SOHLH2: variants seen among roughly 807,000 people sequenced by gnomAD.
SOHLH2 encodes spermatogenesis- and oogenesis-specific basic helix-loop-helix-containing protein 2.
Under a neutral mutation model 50.4 loss-of-function variants are expected in SOHLH2, and 22 were observed. The ratio of observed to expected loss-of-function variants is 0.44; its 90% CI spans 0.31 to 0.62. SOHLH2 has a LOEUF of 0.62. Ranked by LOEUF, SOHLH2 falls within the 20% of genes least tolerant of loss-of-function variation. The probability of loss-of-function intolerance (pLI) is 0.08; values close to 1 mark genes in which losing one functional copy is unlikely to be tolerated. For missense variants in SOHLH2, 412 were observed against 504.4 expected (o/e 0.82, Z 1.76); for synonymous variants, 185 against 187.3 (o/e 0.99, Z 0.10).
At chr13:36,194,731 G>A (rs1306503579) in intron 2 of SOHLH2, among the ~76,000 whole-genome samples, 1 of 152,206 alleles carries the variant, frequency 6.6e-6, no homozygotes, top group Non-Finnish European at 1.5e-5. Context: ...TTTGCAGGGA[G>A]AATGTGACTG....
chr13:36,195,230 T>C (rs1044022393), intron 2 of SOHLH2, among the ~76,000 whole-genome samples: 21 of 152,208 alleles, frequency 1.4e-4, no homozygotes, highest in African/African-American at 4.8e-4. Context: ...GGGGAAGGCT[T>C]CCAGGCAGAC....
chr13:36,170,153 A>G (rs1886922676), intron 10 of SOHLH2, among the ~76,000 whole-genome samples: 2 of 152,132 alleles, frequency 1.3e-5, no homozygotes, highest in Admixed American at 6.5e-5. Context: ...CACCTAAGAG[A>G]TAAGTAGCAG....
chr13:36,202,731 G>A (rs1419928284), intron 1 of SOHLH2, among the ~76,000 whole-genome samples: 1 of 152,168 alleles, frequency 6.6e-6, no homozygotes, highest in Non-Finnish European at 1.5e-5. Context: ...TCAACCCACT[G>A]AAAATGCCAA....
Position 36,168,301 on chromosome 13 carries a change from CCCTT to C in SOHLH2, c.*729_*732del, listed in dbSNP as rs1372534344. ...TGAAATATAAAACAAACCTTTTTCC[CCCTT>C]ATTTTCAACTGTCCTTTCTAATACC... On this transcript the variant is annotated 3_prime_UTR_variant, in exon 11 of 11. Coordinates refer to ENST00000379881, the MANE Select transcript of SOHLH2 (RefSeq NM_017826.3). 2 of 151,944 alleles carry C rather than the reference CCCTT, an allele frequency of 1.3e-5. No homozygotes were observed. The highest frequency in any genetic ancestry group is 2.9e-5 in the Non-Finnish European group (2 of 67,956). 9.4% of individuals were successfully genotyped at this position (151,944 alleles called of 1,614,324 possible).
rs148826039 is a variant in SOHLH2, at chr13:36,174,476, C to T, written c.881G>A (p.Arg294Gln). The change falls in exon 8 of 11, where the codon CGG (arginine) becomes CAG (glutamine). Residue 294 changes from arginine (R) to glutamine (Q), a missense_variant and splice_region_variant. Transcript: ENST00000379881. ...AGATTCGCAAAAGCCCTTATCATACCGCTGTGCCATGACAGTGCCTGGGAG... is the reference window on the plus strand; with the variant it reads ...AGATTCGCAAAAGCCCTTATCATACTGCTGTGCCATGACAGTGCCTGGGAG... Reference protein sequence around the residue: ...LSLPGTVMAQRENSVMSTYSP... With the variant: ...LSLPGTVMAQQENSVMSTYSP... 2.0e-5 allele frequency: 32 copies of T among 1,613,520 alleles called. No individual in the cohort carries two copies. The highest frequency in any genetic ancestry group is 2.4e-5 in the Non-Finnish European group (28 of 1,179,912).
Position 36,190,055 on chromosome 13 carries a change from A to T in SOHLH2, c.532T>A (p.Ser178Thr). 1 of 1,595,802 alleles carries T rather than the reference A, an allele frequency of 6.3e-7. No individual in the cohort carries two copies. Among genetic ancestry groups the T allele is most frequent in the Non-Finnish European group, 8.5e-7 (1 of 1,172,022 alleles). The change falls in exon 6 of 11, where the codon TCT becomes ACT. Residue 178 changes from serine to threonine, a missense_variant and splice_region_variant. By Grantham distance (58) the Ser-to-Thr change is moderately conservative. Transcript: ENST00000379881. Reference protein sequence around the residue: ...GYFPTDLFACSESLRNGNGLE... With the variant: ...GYFPTDLFACTESLRNGNGLE... ...CCATTGCCATTCCTTAAAGATTCAG[A>T]GCTAGAAACAAGAGAAAATCACACC... is the stretch of plus-strand genomic sequence containing the variant.
intron 6 of SOHLH2, among the ~76,000 whole-genome samples, chr13:36,181,326 A>G (rs1444015427): frequency 1.3e-5 from 2 of 152,144 alleles, no homozygotes; most frequent in African/African-American, 2.4e-5. Flanking sequence ...ACTTCTGCCT[A>G]TAAGTTGGAT....
chr13:36,190,957 C>T (rs1029104838), intron 5 of SOHLH2, among the ~76,000 whole-genome samples: 1 of 152,128 alleles, frequency 6.6e-6, no homozygotes, highest in African/African-American at 2.4e-5. Context: ...CAGTAGATGG[C>T]CACATTCTAC....
rs1448441318 is a variant in SOHLH2 at position 36,168,589 on chromosome 13, A to G, written c.*445T>C. The G allele has an allele frequency of 6.1e-6, 1 of 164,798 alleles. No individual in the cohort carries two copies. The highest frequency in any genetic ancestry group is 1.3e-5 in the Non-Finnish European group (1 of 76,738). The allele number at this position is 164,798 out of a possible 1,614,324, so 10.2% of individuals were successfully genotyped here. On this transcript the variant is annotated 3_prime_UTR_variant, in exon 11 of 11. Coordinates refer to ENST00000379881, the MANE Select transcript of SOHLH2 (RefSeq NM_017826.3). ...GGAAAAGACCACCTAGAAATGAGTGACAGTAATTCACAGGGATACTAAAAA... is the reference window on the plus strand; with the variant it reads ...GGAAAAGACCACCTAGAAATGAGTGGCAGTAATTCACAGGGATACTAAAAA...
intron 1 of SOHLH2, among the ~76,000 whole-genome samples, chr13:36,202,851 G>T (rs1033856170): frequency 6.6e-6 from 1 of 152,204 alleles, no homozygotes; most frequent in Admixed American, 6.5e-5. Flanking sequence ...GAAGCTAAGA[G>T]TGAGGGAAGG....
At position 36,193,695 on chromosome 13, in the gene SOHLH2, G is replaced by A. The variant is rs774633583; in HGVS notation, c.356C>T (p.Ala119Val). Residue 119 changes from alanine (A) to valine (V), a missense_variant, in exon 4 of 11, where the codon GCT (alanine) becomes GTT (valine). Ala to Val is a moderately conservative substitution (Grantham distance 64, BLOSUM62 0). Transcript: ENST00000379881. ...TTCCATTGTCAGTGGTTCAGTTAAAGCAATATCCATTCCATGCCCTGAAAT... is the reference window on the plus strand; with the variant it reads ...TTCCATTGTCAGTGGTTCAGTTAAAACAATATCCATTCCATGCCCTGAAAT... Reference protein sequence around the residue: ...GCISGHGMDIALTEPLTMEKM... With the variant: ...GCISGHGMDIVLTEPLTMEKM... 1 of 1,612,986 alleles carries A rather than the reference G, an allele frequency of 6.2e-7. No homozygotes were observed. The highest frequency in any genetic ancestry group is 1.7e-5 in the Admixed American group (1 of 59,820).
At chr13:36,172,512 G>A (rs1328640) in intron 9 of SOHLH2, among the ~76,000 whole-genome samples, 4 of 152,104 alleles carry the variant, frequency 2.6e-5, no homozygotes, top group African/African-American at 9.6e-5. Context: ...TAGACACTAT[G>A]CTGCATAACC....
chr13:36,189,749 A>G (rs922148711), intron 6 of SOHLH2, among the ~76,000 whole-genome samples, 197 bp downstream of exon 6: 3 of 152,184 alleles, frequency 2.0e-5, no homozygotes, highest in African/African-American at 7.2e-5. Context: ...CAGTTCTCCA[A>G]TCCTTCTTTG....
chr13:36,186,000 T>C (rs533875023), intron 6 of SOHLH2, among the ~76,000 whole-genome samples: 16 of 152,318 alleles, frequency 1.1e-4, no homozygotes, highest in African/African-American at 3.8e-4. Context: ...ATATGACCAG[T>C]ATGAGATAAA....
chr13:36,170,810 T>A lies in SOHLH2; in HGVS notation c.1001-23A>T, dbSNP rs772948209. 8.1e-6 allele frequency: 13 copies of A among 1,603,414 alleles called. No individual in the cohort carries two copies. The Admixed American group carries it at 2.2e-4, about 27-fold the overall frequency. On this transcript the variant is annotated intron_variant, in intron 9 of 10. Transcript: ENST00000379881. ...GAACTTTAATGAGAAAGAAAACAAA[T>A]ATGGGTCAGTATCCACAATTCTGTA...
intron 5 of SOHLH2, among the ~76,000 whole-genome samples, chr13:36,191,368 T>A (rs1224082551): frequency 6.6e-6 from 1 of 152,178 alleles, no homozygotes; most frequent in East Asian, 1.9e-4. Context: ...GATAGGTTCA[T>A]GAGTTCGAGA....
Position 36,174,718 on chromosome 13 carries a change from A to C in SOHLH2, c.789+4T>G. ...TAAAATTCAAAGCTTTGGGAGTCAAATACCTGGGCCATAACGGCTGGAGAG... is the reference window on the plus strand; with the variant it reads ...TAAAATTCAAAGCTTTGGGAGTCAACTACCTGGGCCATAACGGCTGGAGAG... On this transcript the variant is annotated splice_donor_region_variant and intron_variant, in intron 7 of 10. Transcript: ENST00000379881. 1 of 1,597,440 alleles carries C rather than the reference A, an allele frequency of 6.3e-7. No homozygotes were observed. Among genetic ancestry groups the C allele is most frequent in the Non-Finnish European group, 8.5e-7 (1 of 1,174,494 alleles).
In SOHLH2 at chr13:36,170,748, G is replaced by C. The variant is rs1465761139; in HGVS notation, c.1040C>G (p.Pro347Arg). 8.1e-6 allele frequency: 13 copies of C among 1,613,944 alleles called. No individual in the cohort carries two copies. The highest frequency in any genetic ancestry group is 1.1e-5 in the Non-Finnish European group (13 of 1,179,968). ...TGCACTGGAAATGTGAGTTTTATAT[G>C]GATCACCAATAGCATTCTCTGAGGC... is the stretch of plus-strand genomic sequence containing the variant. ...SSASENAIGDPYKTHISSAAL... is the reference protein window; with the variant it reads ...SSASENAIGDRYKTHISSAAL... The change falls in exon 10 of 11, where the codon CCA becomes CGA. Residue 347 changes from proline to arginine, a missense_variant. Coordinates refer to ENST00000379881, the MANE Select transcript of SOHLH2 (RefSeq NM_017826.3).
At chr13:36,179,695 G>A (rs761843012) in intron 6 of SOHLH2, among the ~76,000 whole-genome samples, 16 of 152,088 alleles carry the variant, frequency 1.1e-4, no homozygotes, top group Non-Finnish European at 2.2e-4. Context: ...TTACAGGTAT[G>A]AGCCACCATG....
Sources: gnomAD v4.1 joint callset for allele counts (sites outside exome capture counted in the v4.1 genomes callset) on GRCh38, gnomAD v4.1.1 for gene constraint, MANE v1.5 for transcripts, NCBI Gene and HGNC (gene_info 2026-07-23, HGNC 2026-07-21) for gene names.